NSMCE2: variants seen among roughly 807,000 people sequenced by gnomAD.
NSMCE2 encodes the protein E3 SUMO-protein ligase NSE2.
Under a neutral mutation model 23.8 loss-of-function variants are expected in NSMCE2, and 24 were observed. That is an observed-to-expected ratio of 1.01 (90% CI 0.73 to 1.42). NSMCE2 has a LOEUF of 1.42. Among genes scored for constraint, NSMCE2 ranks in the 40% most tolerant of loss-of-function variants. The pLI is 0.00. For synonymous variants in NSMCE2, 92 were observed against 94.1 expected, an observed-to-expected ratio of 0.98 and a Z score of 0.13; for missense variants, 284 against 296.5, an observed-to-expected ratio of 0.96 and a Z score of 0.31.
At chr8:125,313,269 GA>G (rs1396501518) in intron 5 of NSMCE2, among the ~76,000 whole-genome samples, 1 of 152,114 alleles carries the variant, frequency 6.6e-6, no homozygotes, top group Non-Finnish European at 1.5e-5. Context: ...AAAGAAAAAA[GA>G]AAGGATGAGA....
intron 4 of NSMCE2, among the ~76,000 whole-genome samples, chr8:125,168,254 A>C (rs556345383): frequency 6.6e-6 from 1 of 152,348 alleles, no homozygotes; most frequent in Admixed American, 6.5e-5. Context: ...AGATGTGCTT[A>C]AATAGATTCC....
chr8:125,184,717 A>G (rs1214602495), intron 5 of NSMCE2, among the ~76,000 whole-genome samples: 2 of 152,178 alleles, frequency 1.3e-5, no homozygotes, highest in Non-Finnish European at 2.9e-5. Flanking sequence ...TGATACAAGT[A>G]TAAACTTGTA....
At position 125,333,216 on chromosome 8, in the gene NSMCE2, C is replaced by T. The variant is rs148466485; in HGVS notation, c.419-24003C>T. Among the ~76,000 whole-genome samples, 147 of 151,936 alleles carry T rather than the reference C, an allele frequency of 9.7e-4. 1 individual carries two copies. The highest frequency in any genetic ancestry group is 3.3e-3 in the African/African-American group (135 of 41,446). On this transcript the variant is annotated intron_variant, in intron 5 of 7. Coordinates refer to ENST00000287437, the MANE Select transcript of NSMCE2 (RefSeq NM_173685.4). ...ACAGAGTCTCGCTCTGTCGCCAAGG[C>T]TGAAATACAGTGGCACGATCACGGC...
At chr8:125,306,147 G>A (rs1012729295) in intron 5 of NSMCE2, among the ~76,000 whole-genome samples, 6 of 152,030 alleles carry the variant, frequency 3.9e-5, no homozygotes, top group Non-Finnish European at 7.4e-5. Flanking sequence ...GGGCAATATA[G>A]TGAGACCTCC....
chr8:125,359,539 G>C (rs1813437988), intron 7 of NSMCE2, among the ~76,000 whole-genome samples: 2 of 151,868 alleles, frequency 1.3e-5, no homozygotes, highest in Non-Finnish European at 2.9e-5. Flanking sequence ...CTCCATGTTG[G>C]CCAGGCTGGT....
At chr8:125,298,140 G>T (rs760580453) in intron 5 of NSMCE2, among the ~76,000 whole-genome samples, 17 of 152,238 alleles carry the variant, frequency 1.1e-4, no homozygotes, top group South Asian at 4.1e-4. Flanking sequence ...CACACCTGTA[G>T]TCCCAGCTAC....
At chr8:125,346,668 G>A (rs1199640408) in intron 5 of NSMCE2, among the ~76,000 whole-genome samples, 1 of 152,118 alleles carries the variant, frequency 6.6e-6, no homozygotes, top group Admixed American at 6.5e-5. Flanking sequence ...TTTCTTATAA[G>A]AGGTATTAAA....
chr8:125,144,095 C>T (rs1351527116), intron 3 of NSMCE2, among the ~76,000 whole-genome samples: 2 of 152,088 alleles, frequency 1.3e-5, no homozygotes, highest in Non-Finnish European at 2.9e-5. Context: ...AAAGGCAGTT[C>T]TACTGAAGAC....
At chr8:125,220,060 C>T (rs1277668133) in intron 5 of NSMCE2, among the ~76,000 whole-genome samples, 1 of 152,118 alleles carries the variant, frequency 6.6e-6, no homozygotes, top group East Asian at 1.9e-4. Flanking sequence ...CAAACCCACC[C>T]ATGGGATTTC....
chr8:125,265,312 C>T (rs1826866158), intron 5 of NSMCE2, among the ~76,000 whole-genome samples: 1 of 151,910 alleles, frequency 6.6e-6, no homozygotes, highest in African/African-American at 2.4e-5. Flanking sequence ...ACCTCCACCT[C>T]CCAGGTTCAA....
rs116283236 is a variant in NSMCE2 at position 125,342,053 on chromosome 8, C to A, written c.419-15166C>A. Among the ~76,000 whole-genome samples the A allele has an allele frequency of 7.8e-3, 1,181 of 152,246 alleles. 10 individuals carry two copies. The highest frequency in any genetic ancestry group is 0.027 in the African/African-American group (1,107 of 41,542). On this transcript the variant is annotated intron_variant, in intron 5 of 7. Transcript: ENST00000287437. ...GGTTAAGGGGAGACTCCTGGGGACCCCTGAGTGAGAAGTTTTCCTAGAGGA... is the reference window on the plus strand; with the variant it reads ...GGTTAAGGGGAGACTCCTGGGGACCACTGAGTGAGAAGTTTTCCTAGAGGA...
intron 4 of NSMCE2, among the ~76,000 whole-genome samples, chr8:125,167,517 T>A (rs569533565): frequency 2.0e-4 from 30 of 151,608 alleles, no homozygotes; most frequent in African/African-American, 7.3e-4. Context: ...ATACAAAAAT[T>A]AGCTGGGTTC....
chr8:125,164,229 A>C (rs766788277), intron 4 of NSMCE2, among the ~76,000 whole-genome samples: 11 of 152,176 alleles, frequency 7.2e-5, no homozygotes, highest in Non-Finnish European at 1.3e-4. Flanking sequence ...CAAAGTTAGG[A>C]AAGGTGGCTA....
At chr8:125,342,846 C>CTGAG (rs1448912677) in intron 5 of NSMCE2, among the ~76,000 whole-genome samples, 3 of 152,162 alleles carry the variant, frequency 2.0e-5, no homozygotes, top group African/African-American at 7.2e-5. Flanking sequence ...GGCCGTGGAG[C>CTGAG]TGAGCTACAT....
rs113827486 is a variant in NSMCE2, at chr8:125,165,905, G to T, written c.264+14628G>T. ...ATCTCAGGGAGCCATATTAATTATA[G>T]AGAAAGCAGTGCCAGAGAATTTGAT... On this transcript the variant is annotated intron_variant, in intron 4 of 7. Coordinates refer to ENST00000287437, the MANE Select transcript of NSMCE2 (RefSeq NM_173685.4). Among the ~76,000 whole-genome samples the T allele has an allele frequency of 2.1e-3, 319 of 152,286 alleles. 2 individuals carry two copies. The highest frequency in any genetic ancestry group is 7.5e-3 in the African/African-American group (311 of 41,564).
intron 5 of NSMCE2, among the ~76,000 whole-genome samples, chr8:125,287,319 G>A (rs1827940650): frequency 6.6e-6 from 1 of 152,120 alleles, no homozygotes; most frequent in South Asian, 2.1e-4. Flanking sequence ...GTGACAGAGT[G>A]AAACTCTGTC....
intron 5 of NSMCE2, among the ~76,000 whole-genome samples, chr8:125,241,144 A>G (rs1825750725): frequency 6.6e-6 from 1 of 152,202 alleles, no homozygotes; most frequent in South Asian, 2.1e-4. Flanking sequence ...TTTGAGCACG[A>G]GGTCAGTCCT....
chr8:125,210,526 A>G (rs748447938), intron 5 of NSMCE2, among the ~76,000 whole-genome samples: 2 of 152,192 alleles, frequency 1.3e-5, no homozygotes, highest in Non-Finnish European at 2.9e-5. Flanking sequence ...TACATACTAT[A>G]GAAGAACTGT....
chr8:125,119,714 A>G (rs1481911577), intron 3 of NSMCE2, among the ~76,000 whole-genome samples: 1 of 152,216 alleles, frequency 6.6e-6, no homozygotes, highest in Non-Finnish European at 1.5e-5. Flanking sequence ...TTTAAAAGAC[A>G]TAAAATTTTA....
Sources: allele counts gnomAD v4.1 joint callset (sites outside exome capture counted in the v4.1 genomes callset), GRCh38; gene constraint gnomAD v4.1.1; transcripts MANE v1.5; gene names NCBI Gene and HGNC (gene_info 2026-07-23, HGNC 2026-07-21).